Variants in DAB2IP observed in about 807,000 individuals in gnomAD.
DAB2IP encodes the protein DAB2 interacting protein, also known as disabled homolog 2-interacting protein.
DAB2IP carries 28 observed loss-of-function variants against 107.2 expected under a neutral mutation model. The ratio of observed to expected loss-of-function variants is 0.26; its 90% confidence interval spans 0.19 to 0.36. The LOEUF is 0.36. Among genes scored for constraint, DAB2IP ranks in the 10% least tolerant of loss-of-function variants. The pLI is 1.00. For missense variants in DAB2IP, 1,400 were observed against 1,644.7 expected, an observed-to-expected ratio of 0.85 and a Z score of 2.57; for synonymous variants, 755 against 706.4, an observed-to-expected ratio of 1.07 and a Z score of -1.09.
At chr9:121,705,158 G>A (rs1234881368) in intron 3 of DAB2IP, among the ~76,000 whole-genome samples, 1 of 152,228 alleles carries the variant, frequency 6.6e-6, no homozygotes, top group East Asian at 1.9e-4. Flanking sequence ...TTTTAGGAAC[G>A]GTGGAAATTA....
chr9:121,714,551 A>G (rs1830495984), intron 3 of DAB2IP, among the ~76,000 whole-genome samples: 1 of 152,204 alleles, frequency 6.6e-6, no homozygotes, highest in Non-Finnish European at 1.5e-5. Flanking sequence ...CTGAGTGATG[A>G]AGTCAGGAGC....
chr9:121,755,925 A>G (rs768012031), intron 3 of DAB2IP, among the ~76,000 whole-genome samples: 36 of 152,278 alleles, frequency 2.4e-4, no homozygotes, highest in African/African-American at 7.5e-4. Context: ...TGGACTGAGC[A>G]CTTGGACCAT....
chr9:121,586,662 A>G (rs1282377345), intron 1 of DAB2IP, among the ~76,000 whole-genome samples: 1 of 152,124 alleles, frequency 6.6e-6, no homozygotes, highest in Non-Finnish European at 1.5e-5. Context: ...TTACAAAAAA[A>G]TACCAAAATT....
intron 1 of DAB2IP, among the ~76,000 whole-genome samples, chr9:121,625,665 C>CTT (rs71826972): frequency 0.038 from 5,391 of 141,246 alleles, 329 homozygotes; most frequent in African/African-American, 0.13. Flanking sequence ...GGGCTTTCTG[C>CTT]TTTTTTTTTT....
chr9:121,651,788 G>C lies in DAB2IP; in HGVS notation c.13G>C (p.Gly5Arg), dbSNP rs1832752155. 13 of 1,398,786 alleles carry C rather than the reference G, an allele frequency of 9.3e-6. No individual in the cohort carries two copies. In the East Asian group the frequency reaches 2.7e-4, roughly 29 times the overall value. The allele number at this position is 1,398,786 out of a possible 1,614,324, so 86.6% of individuals were successfully genotyped here. A position where few individuals can be genotyped will look rare whatever the true frequency, so the allele number is the denominator to read the frequency against. ...GGCGGGCGGCAGCATGTCCGCGGGC[G>C]GCAGCGCCAGGAAGAGCACCGGGAG... Residue 5 changes from glycine to arginine, a missense_variant, in exon 1 of 16, where the codon GGC becomes CGC. Coordinates refer to ENST00000408936, the Ensembl canonical transcript of DAB2IP. This position sits in a 1 kb window ranked among gnomAD's most constrained non-coding sequence, Gnocchi z 5.1.
In DAB2IP at chr9:121,736,838, C is replaced by T. The variant is rs556634143; in HGVS notation, c.363-20175C>T. 1.3e-5 allele frequency among the ~76,000 whole-genome samples: 2 copies of T among 152,298 alleles called. No homozygotes were observed. The highest frequency in any genetic ancestry group is 1.9e-4 in the East Asian group (1 of 5,178). ...TCGAGGTGTGCTGGGCTTACCGGGG[C>T]GTGCAGGTCCCTGTTCTCGTGGACC... On this transcript the variant is annotated intron_variant, in intron 3 of 15. Transcript: ENST00000408936. This position sits in a 1 kb window ranked among gnomAD's most constrained non-coding sequence, Gnocchi z 4.6.
chr9:121,628,028 T>C (rs1285575870), intron 1 of DAB2IP, among the ~76,000 whole-genome samples: 1 of 152,166 alleles, frequency 6.6e-6, no homozygotes, highest in Non-Finnish European at 1.5e-5. Flanking sequence ...AGGAAGCACA[T>C]TTATTAGGAA....
intron 3 of DAB2IP, chr9:121,737,098 G>A: frequency 1.2e-6 from 1 of 807,652 alleles, no homozygotes; most frequent in Non-Finnish European, 1.5e-6. Context: ...CTTGGGGCAG[G>A]ATATGACCTT....
At chr9:121,746,652 C>T (rs573641127) in intron 3 of DAB2IP, among the ~76,000 whole-genome samples, 3 of 152,288 alleles carry the variant, frequency 2.0e-5, no homozygotes, top group African/African-American at 7.2e-5. Flanking sequence ...CCTCTGCCCC[C>T]GCATTCTAGG....
At chr9:121,704,899 G>A (rs1472019793) in intron 3 of DAB2IP, among the ~76,000 whole-genome samples, 1 of 152,184 alleles carries the variant, frequency 6.6e-6, no homozygotes, top group Non-Finnish European at 1.5e-5. Flanking sequence ...CAGAAGCCAG[G>A]CATTGGAACC....
chr9:121,602,668 TG>T (rs1462060406), intron 1 of DAB2IP, among the ~76,000 whole-genome samples: 3 of 152,112 alleles, frequency 2.0e-5, no homozygotes, highest in Non-Finnish European at 4.4e-5. Context: ...CTCCACCTCC[TG>T]GGTTCACGCC....
intron 1 of DAB2IP, among the ~76,000 whole-genome samples, chr9:121,676,733 C>T (rs1290610609): frequency 2.6e-5 from 4 of 152,096 alleles, no homozygotes; most frequent in Non-Finnish European, 4.4e-5. Flanking sequence ...GAGCCAAAAG[C>T]GAGGCAAGAG....
chr9:121,754,760 C>T (rs1833359525), intron 3 of DAB2IP, among the ~76,000 whole-genome samples: 1 of 152,184 alleles, frequency 6.6e-6, no homozygotes, highest in Admixed American at 6.5e-5. Context: ...CCTGGGGTTG[C>T]AGGACCAGGG....
chr9:121,620,794 G>A (rs1465653137), intron 1 of DAB2IP, among the ~76,000 whole-genome samples: 3 of 152,072 alleles, frequency 2.0e-5, no homozygotes, highest in Non-Finnish European at 4.4e-5. Flanking sequence ...TCACCTACCA[G>A]CTCTCACCTG....
chr9:121,590,241 C>T (rs1182481667), intron 1 of DAB2IP, among the ~76,000 whole-genome samples: 5 of 149,742 alleles, frequency 3.3e-5, no homozygotes, highest in African/African-American at 9.9e-5. Context: ...CGTCATGCCC[C>T]ACACGCACAC....
intron 3 of DAB2IP, among the ~76,000 whole-genome samples, chr9:121,709,090 G>A (rs1045720498): frequency 1.3e-5 from 2 of 152,204 alleles, no homozygotes; most frequent in African/African-American, 2.4e-5. Flanking sequence ...GTCTCCCAGA[G>A]CTGGTCCAAG....
chr9:121,773,446 C>T (rs1226993067), exon 12 of DAB2IP: 2 of 1,541,172 alleles, frequency 1.3e-6, no homozygotes, highest in Admixed American at 2.0e-5. Flanking sequence ...CAGTCCTCTT[C>T]CTCCAAGGGG....
rs1236590794 is a variant in DAB2IP, at chr9:121,701,986, G to A, written c.362+2528G>A. ...TGCCAAGACGCTAGCCTCAGTGAGT[G>A]GGTGGGACACGAGTGGGAAGGACGG... On this transcript the variant is annotated intron_variant, in intron 3 of 15. Transcript: ENST00000408936. The surrounding 1 kb of genome is among the most constrained non-coding windows in gnomAD (Gnocchi z 4.7). Among the ~76,000 whole-genome samples, 1 of 152,182 alleles carries A rather than the reference G, an allele frequency of 6.6e-6. No individual in the cohort carries two copies. Among genetic ancestry groups the A allele is most frequent in the Non-Finnish European group, 1.5e-5 (1 of 68,038 alleles).
At chr9:121,773,366 A>G (rs1293520191) in exon 12 of DAB2IP, 2 of 1,381,082 alleles carry the variant, frequency 1.4e-6, no homozygotes, top group African/African-American at 1.7e-5. Flanking sequence ...TGCAGTACCC[A>G]AGACCCTCAA....
Sources: gnomAD v4.1 joint callset for allele counts (sites outside exome capture counted in the v4.1 genomes callset) on GRCh38, gnomAD v4.1.1 for gene constraint, Gnocchi (gnomAD v3.1) non-coding constraint, MANE v1.5 for transcripts, NCBI Gene and HGNC (gene_info 2026-07-23, HGNC 2026-07-21) for gene names.